RANBP2: variants seen among roughly 807,000 people sequenced by gnomAD.
RANBP2 encodes the protein E3 SUMO-protein ligase RanBP2.
A neutral mutation model predicts 303.6 loss-of-function variants in RANBP2; 57 were observed. The ratio of observed to expected loss-of-function variants is 0.19; its 90% CI spans 0.15 to 0.23. The LOEUF (loss-of-function observed/expected upper bound fraction) is 0.23. RANBP2 is among the 10% of genes least tolerant of loss of function. The pLI is 1.00. For missense variants in RANBP2, 3,138 were observed against 3,780.8 expected (o/e 0.83, Z 4.46); for synonymous variants, 1,167 against 1,301.5 (o/e 0.90, Z 2.23).
the RANBP2 span, among the ~76,000 whole-genome samples, chr2:109,484,093 AGTCTCGCTCTT>A: frequency 1.9e-4 from 26 of 138,120 alleles, no homozygotes; most frequent in Admixed American, 2.0e-3. Flanking sequence ...TTTGAGACCG[AGTCTCGCTCTT>A]GTCTCCTAGG....
At chr2:109,429,576 G>C in the RANBP2 span, among the ~76,000 whole-genome samples, 1 of 152,028 alleles carries the variant, frequency 6.6e-6, no homozygotes, top group African/African-American at 2.4e-5. Context: ...CCCCATTCAG[G>C]ACCCCAGCCT....
the RANBP2 span, among the ~76,000 whole-genome samples, chr2:109,224,966 A>C: frequency 6.6e-6 from 1 of 152,164 alleles, no homozygotes; most frequent in South Asian, 2.1e-4. Context: ...GCATAACCTT[A>C]TCTTTTTAAA....
chr2:108,986,050 G>A, the RANBP2 span, among the ~76,000 whole-genome samples: 2 of 152,228 alleles, frequency 1.3e-5, no homozygotes, highest in Non-Finnish European at 2.9e-5. Flanking sequence ...CTATCCTTGG[G>A]TAATGCTTTG....
the RANBP2 span, among the ~76,000 whole-genome samples, chr2:109,381,853 G>A: frequency 1.3e-5 from 2 of 152,146 alleles, no homozygotes; most frequent in African/African-American, 2.4e-5. Context: ...AGGTTTGGGG[G>A]AAAGCTGTGC....
intron 7 of RANBP2, among the ~76,000 whole-genome samples, chr2:108,742,740 C>A (rs191627169): frequency 1.1e-4 from 16 of 152,080 alleles, no homozygotes; most frequent in South Asian, 6.2e-4. Flanking sequence ...TAGGTAATAC[C>A]AACATTAAAA....
chr2:109,732,779 C>T, the RANBP2 span: 1 of 860,232 alleles, frequency 1.2e-6, no homozygotes, highest in African/African-American at 1.7e-5. Flanking sequence ...TGAATTGGAA[C>T]AGACTTTTGG....
chr2:108,963,924 G>C, the RANBP2 span, among the ~76,000 whole-genome samples: 1 of 152,202 alleles, frequency 6.6e-6, no homozygotes, highest in African/African-American at 2.4e-5. Context: ...GGCTCTGGCT[G>C]GAGCATGGGC....
the RANBP2 span, among the ~76,000 whole-genome samples, chr2:109,079,880 C>T: frequency 1.0e-3 from 157 of 152,312 alleles, 1 homozygote; most frequent in African/African-American, 3.5e-3. Context: ...CACAGGCCAC[C>T]CTGTCCCTAG....
At chr2:109,711,094 A>G in the RANBP2 span, among the ~76,000 whole-genome samples, 1 of 151,920 alleles carries the variant, frequency 6.6e-6, no homozygotes, top group Non-Finnish European at 1.5e-5. Flanking sequence ...CCAGCTTCCT[A>G]TCTGCCCCTG....
the RANBP2 span, among the ~76,000 whole-genome samples, chr2:109,013,768 C>T: frequency 1.3e-5 from 2 of 151,904 alleles, no homozygotes; most frequent in South Asian, 2.1e-4. Context: ...TTAGTAGAGA[C>T]GGGATTTCAC....
chr2:109,469,001 T>C, the RANBP2 span, among the ~76,000 whole-genome samples: 36 of 151,026 alleles, frequency 2.4e-4, no homozygotes, highest in Non-Finnish European at 4.4e-4. Context: ...CTCAAGGTCT[T>C]CTAAAGGGCT....
chr2:109,419,665 C>A, the RANBP2 span: 1 of 1,552,032 alleles, frequency 6.4e-7, no homozygotes, highest in South Asian at 1.2e-5. Context: ...TTGTGTCTGT[C>A]GGGGTCCTGT....
chr2:109,567,795 ACATT>A, the RANBP2 span: 1 of 1,545,616 alleles, frequency 6.5e-7, no homozygotes, highest in Non-Finnish European at 8.7e-7. Flanking sequence ...AACAGAATTA[ACATT>A]CAATCAGGAG....
the RANBP2 span, among the ~76,000 whole-genome samples, chr2:109,605,966 T>C: frequency 2.0e-5 from 3 of 152,176 alleles, no homozygotes; most frequent in South Asian, 6.2e-4. Context: ...GCTGCATCAT[T>C]AAGAACTGCC....
the RANBP2 span, among the ~76,000 whole-genome samples, chr2:109,037,968 A>C: frequency 6.6e-6 from 1 of 152,346 alleles, no homozygotes; most frequent in African/African-American, 2.4e-5. Context: ...ATTTACATGG[A>C]AAGGCACAAG....
At chr2:109,588,770 C>G in the RANBP2 span, among the ~76,000 whole-genome samples, 1 of 148,734 alleles carries the variant, frequency 6.7e-6, no homozygotes. Context: ...GGATTACAGG[C>G]GTGAGCCACC....
At chr2:109,577,598 TA>T in the RANBP2 span, among the ~76,000 whole-genome samples, 503 of 133,102 alleles carry the variant, frequency 3.8e-3, 1 homozygote, top group Non-Finnish European at 4.2e-3. Flanking sequence ...CCTCAAAATT[TA>T]AAAAAAAAAA....
chr2:109,450,426 C>T, the RANBP2 span, among the ~76,000 whole-genome samples: 18 of 151,998 alleles, frequency 1.2e-4, no homozygotes, highest in Non-Finnish European at 1.9e-4. Flanking sequence ...GTTAGATTAA[C>T]CAGGATGAGA....
the RANBP2 span, among the ~76,000 whole-genome samples, chr2:109,559,238 T>C: frequency 1.3e-5 from 2 of 152,172 alleles, no homozygotes; most frequent in African/African-American, 4.8e-5. Context: ...TACATCAGAC[T>C]ATAATGAGCT....
Sources: gnomAD v4.1 joint callset for allele counts (sites outside exome capture counted in the v4.1 genomes callset) on GRCh38, gnomAD v4.1.1 for gene constraint, MANE v1.5 for transcripts, NCBI Gene and HGNC (gene_info 2026-07-23, HGNC 2026-07-21) for gene names.